TMTC2: variants seen among roughly 807,000 people sequenced by gnomAD.
The protein encoded by TMTC2 is transmembrane O-mannosyltransferase targeting cadherins 2.
In TMTC2, 43 loss-of-function variants were observed where a neutral mutation model predicts 82.4. That is an observed-to-expected ratio of 0.52 (90% CI 0.41 to 0.67). TMTC2 has a LOEUF of 0.67. TMTC2 is among the 30% of genes least tolerant of loss of function. The pLI, the probability that TMTC2 is intolerant of heterozygous loss-of-function variation, is 0.00. For missense variants in TMTC2, 919 were observed against 1,012.4 expected, an observed-to-expected ratio of 0.91 and a Z score of 1.25; for synonymous variants, 408 against 381.9, an observed-to-expected ratio of 1.07 and a Z score of -0.80.
intron 11 of TMTC2, among the ~76,000 whole-genome samples, chr12:83,104,704 G>GGTCT (rs776733770): frequency 6.6e-6 from 1 of 152,150 alleles, no homozygotes; most frequent in Non-Finnish European, 1.5e-5. Flanking sequence ...CTGCTGTGAA[G>GGTCT]GTCTCTTTTC....
At chr12:82,869,612 G>A (rs1872060632) in intron 2 of TMTC2, among the ~76,000 whole-genome samples, 1 of 152,010 alleles carries the variant, frequency 6.6e-6, no homozygotes, top group South Asian at 2.1e-4. Flanking sequence ...GGCCGAGGTG[G>A]GTGGATCGTG....
chr12:82,901,445 C>T (rs893291724), intron 3 of TMTC2, among the ~76,000 whole-genome samples: 3 of 151,040 alleles, frequency 2.0e-5, no homozygotes, highest in Admixed American at 1.3e-4. Context: ...GCTAGGACTA[C>T]AGGCATGCAC....
chr12:82,740,283 T>C (rs1020475336), intron 1 of TMTC2, among the ~76,000 whole-genome samples: 6 of 152,234 alleles, frequency 3.9e-5, no homozygotes, highest in Admixed American at 2.6e-4. Context: ...TTTTCATTTG[T>C]TGAGCAAATA....
At chr12:82,914,333 C>A (rs963140300) in intron 3 of TMTC2, among the ~76,000 whole-genome samples, 2 of 151,910 alleles carry the variant, frequency 1.3e-5, no homozygotes, top group African/African-American at 4.8e-5. Context: ...TAAAAAAATT[C>A]TCTTTTCTCT....
chr12:83,101,447 C>G (rs928421419), intron 11 of TMTC2, among the ~76,000 whole-genome samples: 13 of 152,146 alleles, frequency 8.5e-5, no homozygotes, highest in African/African-American at 3.1e-4. Flanking sequence ...CTCTCAGTAA[C>G]TCTGTCTGCC....
intron 4 of TMTC2, 47 bp from the exon 5 acceptor site, chr12:82,964,977 A>G: frequency 7.2e-7 from 1 of 1,384,514 alleles, no homozygotes; most frequent in Non-Finnish European, 1.0e-6. Context: ...GTGGTTTTAT[A>G]TATAATAATA....
Position 83,031,101 on chromosome 12 carries a change from T to G in TMTC2, c.2152+222T>G, listed in dbSNP as rs560073486. 3.9e-5 allele frequency among the ~76,000 whole-genome samples: 6 copies of G among 152,338 alleles called. No individual in the cohort carries two copies. In the East Asian group the frequency reaches 1.2e-3, roughly 29 times the overall value. ...AATTTTAATAGGATTTTAACAGGGA[T>G]GGCATTACACAGTTGTTTTTTTTCA... On this transcript the variant is annotated intron_variant, in intron 9 of 11. Coordinates refer to ENST00000321196, the MANE Select transcript of TMTC2 (RefSeq NM_152588.3).
intron 1 of TMTC2, among the ~76,000 whole-genome samples, chr12:82,828,434 A>G (rs1413977501): frequency 1.3e-5 from 2 of 152,024 alleles, no homozygotes; most frequent in African/African-American, 2.4e-5. Context: ...TCCTGGCCTC[A>G]AGCGATCTGC....
chr12:82,891,031 T>A (rs923270760), intron 2 of TMTC2, among the ~76,000 whole-genome samples: 2 of 152,178 alleles, frequency 1.3e-5, no homozygotes, highest in African/African-American at 4.8e-5. Context: ...ATCTGAGAAA[T>A]ACAAGTGTTA....
chr12:82,719,901 A>G (rs1253128129), intron 1 of TMTC2, among the ~76,000 whole-genome samples: 8 of 152,234 alleles, frequency 5.3e-5, no homozygotes, highest in Non-Finnish European at 7.3e-5. Flanking sequence ...CAGGCTAGGC[A>G]AACAGTAGTC....
At chr12:83,011,228 T>C (rs1880443114) in intron 8 of TMTC2, among the ~76,000 whole-genome samples, 1 of 152,196 alleles carries the variant, frequency 6.6e-6, no homozygotes, top group Non-Finnish European at 1.5e-5. Flanking sequence ...TAGGACTCCA[T>C]CATTTTAGGG....
intron 1 of TMTC2, among the ~76,000 whole-genome samples, chr12:82,724,186 T>A (rs554778291): frequency 3.3e-5 from 5 of 152,320 alleles, no homozygotes; most frequent in African/African-American, 1.2e-4. Flanking sequence ...AATCATTTAT[T>A]AACTTTGGAG....
At position 83,061,922 on chromosome 12, in the gene TMTC2, T is replaced by TTTTTGTTTTG. The variant is rs139869818; in HGVS notation, c.2331+106_2331+115dup. 5.7e-4 allele frequency: 605 copies of TTTTTGTTTTG among 1,067,752 alleles called. 5 individuals carry two copies. The African/African-American group carries it at 9.0e-3, about 16-fold the overall frequency. The allele number at this position is 1,067,752 out of a possible 1,614,324, so 66.1% of individuals were successfully genotyped here. On this transcript the variant is annotated intron_variant, in intron 11 of 11. Transcript: ENST00000321196. ...AAGCATCATGATACTGGTTTTTTGT[T>TTTTTGTTTTG]TTTTGTTTTGTTTTGTTTTGTTTTT...
intron 3 of TMTC2, among the ~76,000 whole-genome samples, chr12:82,905,247 A>G (rs934416876): frequency 2.0e-5 from 3 of 152,174 alleles, no homozygotes; most frequent in African/African-American, 7.2e-5. Context: ...GTTATAGATA[A>G]GCAGATCAGT....
At chr12:83,067,947 C>T (rs1057172374) in intron 11 of TMTC2, among the ~76,000 whole-genome samples, 1 of 151,960 alleles carries the variant, frequency 6.6e-6, no homozygotes, top group Non-Finnish European at 1.5e-5. Context: ...TTCATATATG[C>T]ATTATGTCTT....
chr12:82,896,719 T>A, intron 3 of TMTC2, 73 bp downstream of exon 3: 2 of 1,208,168 alleles, frequency 1.7e-6, no homozygotes, highest in Non-Finnish European at 2.3e-6. Flanking sequence ...CTTCTTGTCT[T>A]AAAACACAGT....
intron 1 of TMTC2, among the ~76,000 whole-genome samples, chr12:82,801,334 C>T (rs1339932986): frequency 2.6e-5 from 4 of 152,120 alleles, no homozygotes; most frequent in Admixed American, 1.3e-4. Flanking sequence ...ATGAGTGTTA[C>T]AGTTCATAAA....
At chr12:83,124,563 CTTT>C (rs61668693) in intron 11 of TMTC2, among the ~76,000 whole-genome samples, 3 of 138,488 alleles carry the variant, frequency 2.2e-5, no homozygotes, top group Non-Finnish European at 4.7e-5. Flanking sequence ...TTGTTGAAAT[CTTT>C]TTTTTTTTTT....
chr12:83,096,267 G>A (rs1000330886), intron 11 of TMTC2, among the ~76,000 whole-genome samples: 1 of 152,212 alleles, frequency 6.6e-6, no homozygotes, highest in Admixed American at 6.5e-5. Flanking sequence ...AGCACGTAGG[G>A]TCTCCTTCAT....
Sources: gnomAD v4.1 joint callset for allele counts (sites outside exome capture counted in the v4.1 genomes callset) on GRCh38, gnomAD v4.1.1 for gene constraint, MANE v1.5 for transcripts, NCBI Gene and HGNC (gene_info 2026-07-23, HGNC 2026-07-21) for gene names.